Variants in INSR observed in about 807,000 individuals in gnomAD.
INSR encodes the protein IR.
In INSR, 67 loss-of-function variants were observed where a neutral mutation model predicts 142.6. The observed-to-expected ratio is 0.47, with a 90% confidence interval of 0.39 to 0.58. INSR has a LOEUF of 0.58. INSR is among the 20% of genes least tolerant of loss of function. INSR has a pLI of 0.00. For synonymous variants in INSR, 756 were observed against 743.1 expected (o/e 1.02, Z -0.28); for missense variants, 1,248 against 1,833.2 (o/e 0.68, Z 5.83).
chr19:7,117,947 C>T (rs1182410171), intron 21 of INSR, among the ~76,000 whole-genome samples: 1 of 150,430 alleles, frequency 6.6e-6, no homozygotes, highest in Non-Finnish European at 1.5e-5. Flanking sequence ...CACTTTGTCA[C>T]CCAGGATGGA....
At chr19:7,263,029 G>A (rs1199696320) in intron 2 of INSR, among the ~76,000 whole-genome samples, 1 of 152,190 alleles carries the variant, frequency 6.6e-6, no homozygotes, top group Non-Finnish European at 1.5e-5. Flanking sequence ...TGTAATCCCA[G>A]CACTTTGCGA....
chr19:7,182,130 A>C (rs1315348543), intron 3 of INSR, among the ~76,000 whole-genome samples: 1 of 151,646 alleles, frequency 6.6e-6, no homozygotes, highest in East Asian at 2.0e-4. Context: ...TCAGGAGTTC[A>C]AGACCAGCCT....
At chr19:7,251,309 G>A (rs896129699) in intron 2 of INSR, among the ~76,000 whole-genome samples, 1 of 152,050 alleles carries the variant, frequency 6.6e-6, no homozygotes, top group Non-Finnish European at 1.5e-5. Flanking sequence ...GCAGGCTGGA[G>A]TGCAATATGC....
chr19:7,133,967 A>G (rs1972846860), intron 13 of INSR, among the ~76,000 whole-genome samples: 1 of 152,192 alleles, frequency 6.6e-6, no homozygotes, highest in Non-Finnish European at 1.5e-5. Flanking sequence ...TAGCTTACTG[A>G]CTGACCCCTG....
rs149756701 is a variant in INSR at position 7,255,267 on chromosome 19, G to A, written c.652+12078C>T. Among the ~76,000 whole-genome samples the A allele has an allele frequency of 2.1e-3, 325 of 152,198 alleles. 4 individuals carry two copies. The highest frequency in any genetic ancestry group is 3.7e-3 in the Non-Finnish European group (255 of 68,006). ...CTGACTCAGCAAGGACTTCGGGGAC[G>A]CAACAAAAAGCCTGGCTCAGCAAGG... On this transcript the variant is annotated intron_variant, in intron 2 of 21. Coordinates refer to ENST00000302850, the MANE Select transcript of INSR (RefSeq NM_000208.4).
In INSR at chr19:7,229,760, CTTTTTTTTTTTT is replaced by C. The variant is rs71177180; in HGVS notation, c.652+37573_652+37584del. ...TTACTCTGGAGGATACATTTACAGTCTTTTTTTTTTTTTTTTTTTTTTTGAGACAGGGTCTTG... is the reference window on the plus strand; with the variant it reads ...TTACTCTGGAGGATACATTTACAGTCTTTTTTTTTTTGAGACAGGGTCTTG... On this transcript the variant is annotated intron_variant, in intron 2 of 21. Transcript: ENST00000302850. Among the ~76,000 whole-genome samples the C allele has an allele frequency of 2.2e-4, 19 of 87,530 alleles. 1 individual carries two copies. The highest frequency in any genetic ancestry group is 5.1e-4 in the African/African-American group (11 of 21,740). The allele number at this position is 87,530 out of a possible 152,430, so 57.4% of individuals were successfully genotyped here. A position where few individuals can be genotyped will look rare whatever the true frequency, so the allele number is the denominator to read the frequency against.
At chr19:7,128,605 C>T (rs576774145) in intron 15 of INSR, among the ~76,000 whole-genome samples, 10 of 151,118 alleles carry the variant, frequency 6.6e-5, no homozygotes, top group African/African-American at 2.2e-4. Flanking sequence ...AGGTTAGCTT[C>T]GGATATAAAG....
Position 7,166,920 on chromosome 19 carries a change from A to G in INSR, c.1611-516T>C, listed in dbSNP as rs1007896420. On this transcript the variant is annotated intron_variant, in intron 7 of 21. Coordinates refer to ENST00000302850, the MANE Select transcript of INSR (RefSeq NM_000208.4). The surrounding 1 kb of genome is among the most constrained non-coding windows in gnomAD (Gnocchi z 4.1). ...GGCGACAAAGGGAGACTCTGTTTCA[A>G]AAACATAAATAAATAAATAAATAAA... Among the ~76,000 whole-genome samples the G allele has an allele frequency of 2.1e-5, 3 of 146,136 alleles. No individual in the cohort carries two copies. The highest frequency in any genetic ancestry group is 2.2e-4 in the South Asian group (1 of 4,608).
In INSR at chr19:7,184,549, G is replaced by A. The variant is rs762739517; in HGVS notation, c.741C>T (p.Asp247=). The A allele has an allele frequency of 1.1e-5, 17 of 1,613,638 alleles. No individual in the cohort carries two copies. Among genetic ancestry groups the A allele is most frequent in the South Asian group, 6.6e-5 (6 of 91,078 alleles). ...GGCAGGCCACGCACTTGGTGGGGTC[G>A]TCGGGCTGAGAACAGTTGCCCAGGC... ...SECLGNCSQP[D]DPTKCVACRN... The change falls in exon 3 of 22, where the codon GAC becomes GAT. Residue 247 remains aspartate (D), a synonymous_variant. Transcript: ENST00000302850.
intron 9 of INSR, among the ~76,000 whole-genome samples, chr19:7,156,052 CTTTTTTTTTTT>C (rs147889782): frequency 1.9e-4 from 13 of 67,370 alleles, no homozygotes; most frequent in Non-Finnish European, 2.2e-4. Flanking sequence ...ATATGGAATT[CTTTTTTTTTTT>C]TTTTTTTTTT....
At chr19:7,139,564 A>C (rs923419117) in intron 13 of INSR, among the ~76,000 whole-genome samples, 1 of 152,214 alleles carries the variant, frequency 6.6e-6, no homozygotes, top group Non-Finnish European at 1.5e-5. Context: ...GTTTCTGCCA[A>C]TTAAAAACTA....
At chr19:7,279,955 G>C (rs978755648) in intron 1 of INSR, among the ~76,000 whole-genome samples, 1 of 151,898 alleles carries the variant, frequency 6.6e-6, no homozygotes, top group African/African-American at 2.4e-5. Context: ...GCGACAGTGC[G>C]AGGAGACCCT....
At chr19:7,279,994 G>A (rs937288642) in intron 1 of INSR, among the ~76,000 whole-genome samples, 21 of 151,746 alleles carry the variant, frequency 1.4e-4, no homozygotes, top group East Asian at 9.8e-4. Flanking sequence ...GGCCAGGCAC[G>A]GTGGCTCACA....
rs142230320 is a variant in INSR at position 7,191,495 on chromosome 19, G to A, written c.653-6858C>T. On this transcript the variant is annotated intron_variant, in intron 2 of 21. Transcript: ENST00000302850. ...TCCCCATACTGGTTCCTCTGAACTCGGATTGTTAGACAGAATGTGAAAAGC... is the reference window on the plus strand; with the variant it reads ...TCCCCATACTGGTTCCTCTGAACTCAGATTGTTAGACAGAATGTGAAAAGC... Among the ~76,000 whole-genome samples, 322 of 152,042 alleles carry A rather than the reference G, an allele frequency of 2.1e-3. 9 individuals are homozygous for A. In the East Asian group the frequency reaches 0.041, roughly 19 times the overall value.
Position 7,125,592 on chromosome 19 carries a change from C to T in INSR, c.3014-65G>A, listed in dbSNP as rs1239494470. 1 of 1,599,828 alleles carries T rather than the reference C, an allele frequency of 6.3e-7. No individual in the cohort carries two copies. Among genetic ancestry groups the T allele is most frequent in the Admixed American group, 1.7e-5 (1 of 59,916 alleles). ...CTTGGGGGTCTGCAGCCACCTTCCA[C>T]CCAAGCCCTCACCCAAACCCCCTCG... On this transcript the variant is annotated intron_variant, in intron 16 of 21. Transcript: ENST00000302850. This position sits in a 1 kb window ranked among gnomAD's most constrained non-coding sequence, Gnocchi z 4.9.
In INSR at chr19:7,150,465, C is replaced by T. The variant is rs376772096; in HGVS notation, c.2267+32G>A. ...GGCACGCCGCCGGCCCTGCGCGGAG[C>T]AGGCACCAGGGGTCGCACAGGTGAG... On this transcript the variant is annotated intron_variant, in intron 11 of 21. Coordinates refer to ENST00000302850, the MANE Select transcript of INSR (RefSeq NM_000208.4). The surrounding 1 kb of genome is among the most constrained non-coding windows in gnomAD (Gnocchi z 4.2). 6.2e-7 allele frequency: 1 copy of T among 1,611,176 alleles called. No individual in the cohort carries two copies. The highest frequency in any genetic ancestry group is 8.5e-7 in the Non-Finnish European group (1 of 1,177,466).
At chr19:7,135,578 T>C (rs1599886358) in intron 13 of INSR, among the ~76,000 whole-genome samples, 1 of 142,882 alleles carries the variant, frequency 7.0e-6, no homozygotes, top group South Asian at 2.2e-4. Flanking sequence ...ACCATGACTC[T>C]GTCTCTGAAA....
intron 2 of INSR, among the ~76,000 whole-genome samples, chr19:7,260,248 C>G (rs951027153): frequency 5.9e-5 from 9 of 152,182 alleles, no homozygotes; most frequent in African/African-American, 1.9e-4. Context: ...TCAGCCTCCC[C>G]CTCCTGCTTT....
intron 1 of INSR, among the ~76,000 whole-genome samples, chr19:7,280,450 G>C (rs971231478): frequency 6.6e-6 from 1 of 152,068 alleles, no homozygotes; most frequent in Non-Finnish European, 1.5e-5. Flanking sequence ...GGGCATGGTA[G>C]CTCACACCTG....
Sources: gnomAD v4.1 joint callset for allele counts (sites outside exome capture counted in the v4.1 genomes callset) on GRCh38, gnomAD v4.1.1 for gene constraint, Gnocchi (gnomAD v3.1) non-coding constraint, MANE v1.5 for transcripts, NCBI Gene and HGNC (gene_info 2026-07-23, HGNC 2026-07-21) for gene names.